EPHA6: variants seen among roughly 807,000 people sequenced by gnomAD.
EPHA6 encodes ephrin type-A receptor 6.
A neutral mutation model predicts 112.0 loss-of-function variants in EPHA6; 50 were observed. The observed-to-expected ratio is 0.45, with a 90% CI of 0.36 to 0.56. The LOEUF (loss-of-function observed/expected upper bound fraction) is 0.56, where lower values mean the gene tolerates loss of function less well. EPHA6 is among the 20% of genes least tolerant of loss of function. The pLI is 0.00. For synonymous variants in EPHA6, 529 were observed against 490.7 expected (o/e 1.08, Z -1.03); for missense variants, 1,280 against 1,417.4 (o/e 0.90, Z 1.56).
intron 13 of EPHA6, among the ~76,000 whole-genome samples, chr3:97,619,046 T>A (rs2107494168): frequency 6.6e-6 from 1 of 152,144 alleles, no homozygotes; most frequent in African/African-American, 2.4e-5. Flanking sequence ...CAGCAGCACA[T>A]CAAAGAGCTT....
Position 96,931,018 on chromosome 3 carries a change from A to AAAAAAAAAAAAAAAAAAAG in EPHA6, c.451-56309_451-56308insAAAAAAAAAAAAAAAGAAA, listed in dbSNP as rs796531853. On this transcript the variant is annotated intron_variant, in intron 2 of 17. Coordinates refer to ENST00000389672, the MANE Select transcript of EPHA6 (RefSeq NM_001080448.3). Reference sequence around the variant, plus strand: ...AAAAAAAAAAAAAAAAAAAAAAAAAAAAAGAAAAGCTTTCTGGCTGCTTTT... The same window carrying AAAAAAAAAAAAAAAAAAAG: ...AAAAAAAAAAAAAAAAAAAAAAAAAAAAAAAAAAAAAAAAAAAAGAAAGAAAAGCTTTCTGGCTGCTTTT... Among the ~76,000 whole-genome samples the AAAAAAAAAAAAAAAAAAAG allele has an allele frequency of 4.6e-4, 39 of 84,582 alleles. 9 individuals are homozygous for AAAAAAAAAAAAAAAAAAAG. The highest frequency in any genetic ancestry group is 1.6e-3 in the African/African-American group (38 of 23,678). 55.5% of individuals were successfully genotyped at this position (84,582 alleles called of 152,430 possible). A position where few individuals can be genotyped will look rare whatever the true frequency, so the allele number is the denominator to read the frequency against.
chr3:97,233,076 T>C lies in EPHA6; in HGVS notation c.1270+6657T>C, dbSNP rs183421615. Among the ~76,000 whole-genome samples the C allele has an allele frequency of 5.8e-4, 89 of 152,204 alleles. 1 individual carries two copies. Among genetic ancestry groups the C allele is most frequent in the Middle Eastern group, 6.8e-3 (2 of 294 alleles). ...GATCACCAGCTTCAGGTGTTTTCTA[T>C]CTATTGGGAGACCACTGTTCCCTGG... is the stretch of plus-strand genomic sequence containing the variant. On this transcript the variant is annotated intron_variant, in intron 4 of 17. Coordinates refer to ENST00000389672, the MANE Select transcript of EPHA6 (RefSeq NM_001080448.3).
At chr3:96,900,826 T>C (rs1248115753) in intron 2 of EPHA6, among the ~76,000 whole-genome samples, 1 of 152,348 alleles carries the variant, frequency 6.6e-6, no homozygotes, top group South Asian at 2.1e-4. Context: ...GGAGGAAACA[T>C]TTGAAGAACA....
At chr3:96,953,867 A>G (rs1450888303) in intron 2 of EPHA6, among the ~76,000 whole-genome samples, 1 of 150,236 alleles carries the variant, frequency 6.7e-6, no homozygotes, top group East Asian at 2.0e-4. Flanking sequence ...CCCCTGGACT[A>G]TTTCAATAAC....
chr3:97,627,245 G>C (rs957091710), intron 13 of EPHA6, among the ~76,000 whole-genome samples: 3 of 151,818 alleles, frequency 2.0e-5, no homozygotes, highest in African/African-American at 7.3e-5. Flanking sequence ...ACAGAAGTAA[G>C]CAAAAGAGAA....
At chr3:97,180,481 T>C (rs2108449578) in intron 3 of EPHA6, among the ~76,000 whole-genome samples, 1 of 152,236 alleles carries the variant, frequency 6.6e-6, no homozygotes, top group South Asian at 2.1e-4. Flanking sequence ...CCACCACTTG[T>C]TATGTGCTCA....
At position 97,291,869 on chromosome 3, in the gene EPHA6, C is replaced by A. The variant is rs565848903; in HGVS notation, c.1606+47582C>A. Reference sequence around the variant, plus strand: ...CTTCACCAGCCGGAAACCTCTGTGGCCAGCTGTGCCTCTGCTTAGATTTTG... The same window carrying A: ...CTTCACCAGCCGGAAACCTCTGTGGACAGCTGTGCCTCTGCTTAGATTTTG... On this transcript the variant is annotated intron_variant, in intron 5 of 17. Transcript: ENST00000389672. 2.6e-5 allele frequency among the ~76,000 whole-genome samples: 4 copies of A among 152,338 alleles called. No individual in the cohort carries two copies. In the South Asian group the frequency reaches 8.3e-4, roughly 32 times the overall value.
chr3:97,302,145 A>G (rs1420734818), intron 5 of EPHA6, among the ~76,000 whole-genome samples: 1 of 152,084 alleles, frequency 6.6e-6, no homozygotes, highest in African/African-American at 2.4e-5. Context: ...CTGCCAAGTT[A>G]AAATCATATT....
chr3:96,977,570 G>T (rs1369728924), intron 2 of EPHA6, among the ~76,000 whole-genome samples: 2 of 152,106 alleles, frequency 1.3e-5, no homozygotes, highest in South Asian at 2.1e-4. Context: ...TATGTGAGCT[G>T]CCATACTCAT....
At chr3:97,436,245 A>G (rs2089827936) in intron 6 of EPHA6, among the ~76,000 whole-genome samples, 1 of 152,182 alleles carries the variant, frequency 6.6e-6, no homozygotes, top group African/African-American at 2.4e-5. Flanking sequence ...ACTTACTTAT[A>G]AAGAATGTTA....
At chr3:97,176,107 A>G (rs2076828267) in intron 3 of EPHA6, among the ~76,000 whole-genome samples, 1 of 151,884 alleles carries the variant, frequency 6.6e-6, no homozygotes, top group Non-Finnish European at 1.5e-5. Context: ...GATTTTTATC[A>G]TGAAGTCATG....
At position 97,348,775 on chromosome 3, in the gene EPHA6, A is replaced by G. The variant is rs576754645; in HGVS notation, c.1607-56375A>G. Among the ~76,000 whole-genome samples, 21 of 152,168 alleles carry G rather than the reference A, an allele frequency of 1.4e-4. No individual in the cohort carries two copies. In the South Asian group the frequency reaches 4.3e-3, roughly 32 times the overall value. Reference sequence around the variant, plus strand: ...ATCACAAGGTAGGTCATGGGGCAGGATAGTCTGGGAGCATAGACAATTGGG... The same window carrying G: ...ATCACAAGGTAGGTCATGGGGCAGGGTAGTCTGGGAGCATAGACAATTGGG... On this transcript the variant is annotated intron_variant, in intron 5 of 17. Coordinates refer to ENST00000389672, the MANE Select transcript of EPHA6 (RefSeq NM_001080448.3).
chr3:97,131,783 A>G (rs1362660791), intron 3 of EPHA6, among the ~76,000 whole-genome samples: 1 of 152,106 alleles, frequency 6.6e-6, no homozygotes, highest in Non-Finnish European at 1.5e-5. Flanking sequence ...GCTACAAATA[A>G]TAAGCTAGAA....
intron 5 of EPHA6, among the ~76,000 whole-genome samples, chr3:97,284,082 GA>G (rs2080381735): frequency 6.6e-6 from 1 of 151,984 alleles, no homozygotes; most frequent in East Asian, 1.9e-4. Context: ...GCAATTAATA[GA>G]TAATACATGT....
Position 97,392,074 on chromosome 3 carries a change from C to T in EPHA6, c.1607-13076C>T, listed in dbSNP as rs567975490. 2.0e-3 allele frequency among the ~76,000 whole-genome samples: 307 copies of T among 151,822 alleles called. 2 individuals carry two copies. The highest frequency in any genetic ancestry group is 6.8e-3 in the Middle Eastern group (2 of 292). On this transcript the variant is annotated intron_variant, in intron 5 of 17. Coordinates refer to ENST00000389672, the MANE Select transcript of EPHA6 (RefSeq NM_001080448.3). ...CTGCCACCGCAATTTTGTGTCTTCA[C>T]GTAAATTGAAGAATAAGCCACATAT...
intron 13 of EPHA6, among the ~76,000 whole-genome samples, chr3:97,634,457 T>C (rs1395515060): frequency 1.3e-5 from 2 of 151,818 alleles, no homozygotes; most frequent in Non-Finnish European, 2.9e-5. Context: ...ATTGTAGTGA[T>C]AGAGAGATAA....
rs775256585 is a variant in EPHA6 at position 96,814,828 on chromosome 3, C to A, written c.205C>A (p.Pro69Thr). The A allele has an allele frequency of 2.3e-5, 36 of 1,584,278 alleles. No homozygotes were observed. The highest frequency in any genetic ancestry group is 2.9e-5 in the Non-Finnish European group (34 of 1,164,682). ...GGAGGAAGAAGACGTGGACAAGGACCCCCATCCTACCCAGAACACCTGCCT... is the reference window on the plus strand; with the variant it reads ...GGAGGAAGAAGACGTGGACAAGGACACCCATCCTACCCAGAACACCTGCCT... Reference protein sequence around the residue: ...EEEEEDVDKDPHPTQNTCLRC... With the variant: ...EEEEEDVDKDTHPTQNTCLRC... Residue 69 changes from proline (P) to threonine (T), a missense_variant, in exon 1 of 18, where the codon CCC becomes ACC. Pro to Thr is a conservative substitution (Grantham distance 38). Coordinates refer to ENST00000389672, the MANE Select transcript of EPHA6 (RefSeq NM_001080448.3).
intron 7 of EPHA6, among the ~76,000 whole-genome samples, chr3:97,472,498 TAG>T (rs1181263239): frequency 6.6e-6 from 1 of 151,754 alleles, no homozygotes; most frequent in Non-Finnish European, 1.5e-5. Context: ...AGACATACGC[TAG>T]AGCCATTTGT....
intron 3 of EPHA6, among the ~76,000 whole-genome samples, chr3:96,999,014 G>A (rs2043529533): frequency 6.6e-6 from 1 of 151,630 alleles, no homozygotes; most frequent in African/African-American, 2.4e-5. Flanking sequence ...TGCCTACTTT[G>A]TTACATAATT....
Sources: allele counts gnomAD v4.1 joint callset (sites outside exome capture counted in the v4.1 genomes callset), GRCh38; gene constraint gnomAD v4.1.1; transcripts MANE v1.5; gene names NCBI Gene and HGNC (gene_info 2026-07-23, HGNC 2026-07-21).